Variants in POU2F1 observed in about 807,000 individuals in gnomAD.
POU2F1 encodes POU class 2 homeobox 1.
A neutral mutation model predicts 84.9 loss-of-function variants in POU2F1; 16 were observed. The observed-to-expected ratio is 0.19, with a 90% CI of 0.13 to 0.29. The LOEUF is 0.29. POU2F1 is among the 10% of genes least tolerant of loss of function. The probability of loss-of-function intolerance (pLI) is 1.00; values close to 1 mark genes in which losing one functional copy is unlikely to be tolerated. For missense variants in POU2F1, 738 were observed against 942.6 expected (o/e 0.78, Z 2.84); for synonymous variants, 368 against 368.3 (o/e 1.00, Z 0.01).
chr1:167,252,973 A>C (rs1366245511), intron 1 of POU2F1, among the ~76,000 whole-genome samples: 2 of 152,234 alleles, frequency 1.3e-5, no homozygotes, highest in South Asian at 4.1e-4. Context: ...TGATGTGTAC[A>C]TCTAATTCAG....
chr1:167,367,009 A>G (rs1200673230), intron 3 of POU2F1, among the ~76,000 whole-genome samples: 1 of 151,968 alleles, frequency 6.6e-6, no homozygotes, highest in Non-Finnish European at 1.5e-5. Context: ...GATGATTGCA[A>G]CTCTCCCTGT....
intron 2 of POU2F1, among the ~76,000 whole-genome samples, chr1:167,348,277 T>C (rs1658330312): frequency 6.6e-6 from 1 of 152,124 alleles, no homozygotes; most frequent in African/African-American, 2.4e-5. Flanking sequence ...ACAGTAAAAA[T>C]AGGGTATTAT....
chr1:167,377,939 C>G (rs936702066), intron 7 of POU2F1, among the ~76,000 whole-genome samples: 9 of 152,056 alleles, frequency 5.9e-5, no homozygotes, highest in Middle Eastern at 3.4e-3. Flanking sequence ...TTTTTTTAAT[C>G]CAGTCTAGTG....
rs569924940 is a variant in POU2F1, at chr1:167,375,913, C to T, written c.592-116C>T. On this transcript the variant is annotated intron_variant, in intron 6 of 15. Transcript: ENST00000367866. ...ACCCTGTTTGGAATATGAAAGCATG[C>T]GAAGTATTTACTCTTCTTTATTTGG... 6.1e-4 allele frequency: 768 copies of T among 1,265,908 alleles called. 5 individuals carry two copies. The highest frequency in any genetic ancestry group is 2.8e-3 in the South Asian group (202 of 72,306). 78.4% of individuals were successfully genotyped at this position (1,265,908 alleles called of 1,614,324 possible).
chr1:167,343,548 A>G (rs568491060), intron 2 of POU2F1, among the ~76,000 whole-genome samples: 1 of 151,870 alleles, frequency 6.6e-6, no homozygotes, highest in Non-Finnish European at 1.5e-5. Flanking sequence ...GCTTGAAGCC[A>G]AAAACTAGAC....
At chr1:167,317,455 G>T (rs912114034) in intron 1 of POU2F1, among the ~76,000 whole-genome samples, 6 of 152,204 alleles carry the variant, frequency 3.9e-5, no homozygotes, top group Admixed American at 1.3e-4. Context: ...TGCAGAGTGG[G>T]AATCAGGGGG....
intron 1 of POU2F1, among the ~76,000 whole-genome samples, chr1:167,256,242 G>A (rs1651125233): frequency 6.6e-6 from 1 of 152,164 alleles, no homozygotes; most frequent in African/African-American, 2.4e-5. Flanking sequence ...AGCTGAGTGT[G>A]TTGGGGGTAG....
chr1:167,387,653 C>CT (rs1352013502), intron 8 of POU2F1, among the ~76,000 whole-genome samples: 1 of 152,188 alleles, frequency 6.6e-6, no homozygotes, highest in Non-Finnish European at 1.5e-5. Flanking sequence ...CAGCCACAGA[C>CT]TTTATCTGTA....
intron 14 of POU2F1, 77 bp from the exon 15 acceptor site, chr1:167,412,949 A>G (rs1650061865): frequency 8.2e-7 from 1 of 1,225,528 alleles, no homozygotes; most frequent in Non-Finnish European, 1.2e-6. Context: ...TTCGTTTTGT[A>G]AGTTCCTTTT....
intron 1 of POU2F1, among the ~76,000 whole-genome samples, chr1:167,263,504 C>T (rs1368824933): frequency 5.3e-5 from 8 of 150,528 alleles, no homozygotes; most frequent in South Asian, 2.1e-4. Flanking sequence ...GCAACAAGAG[C>T]GAAACTCCGA....
At chr1:167,370,559 T>G (rs1659943248) in intron 4 of POU2F1, among the ~76,000 whole-genome samples, 1 of 152,176 alleles carries the variant, frequency 6.6e-6, no homozygotes, top group Non-Finnish European at 1.5e-5. Context: ...GACTTGTTAT[T>G]TATCATTTTT....
intron 1 of POU2F1, among the ~76,000 whole-genome samples, chr1:167,233,784 A>C (rs375518539): frequency 2.0e-5 from 3 of 152,206 alleles, no homozygotes; most frequent in Non-Finnish European, 4.4e-5. Context: ...TTATGAGGCT[A>C]TTTGCATGAT....
At chr1:167,382,188 G>C (rs991801062) in intron 7 of POU2F1, among the ~76,000 whole-genome samples, 7 of 152,176 alleles carry the variant, frequency 4.6e-5, no homozygotes, top group Non-Finnish European at 1.0e-4. Context: ...AAATGGTTTA[G>C]ATACCAATAA....
intron 1 of POU2F1, among the ~76,000 whole-genome samples, chr1:167,306,433 A>C (rs1655068970): frequency 6.6e-6 from 1 of 152,176 alleles, no homozygotes; most frequent in African/African-American, 2.4e-5. Context: ...AATGTTTGAC[A>C]GTTGTATTTA....
At chr1:167,283,478 T>C (rs2102508574) in intron 1 of POU2F1, among the ~76,000 whole-genome samples, 1 of 152,320 alleles carries the variant, frequency 6.6e-6, no homozygotes, top group Non-Finnish European at 1.5e-5. Context: ...TTTGCTGGAA[T>C]GAATGGATGG....
intron 1 of POU2F1, among the ~76,000 whole-genome samples, chr1:167,231,150 T>C (rs1180897294): frequency 1.3e-5 from 2 of 152,198 alleles, no homozygotes; most frequent in Non-Finnish European, 2.9e-5. Flanking sequence ...AGCTTTCTGA[T>C]CCTGAATAAA....
At chr1:167,329,824 G>A (rs978947551) in intron 1 of POU2F1, among the ~76,000 whole-genome samples, 1 of 152,130 alleles carries the variant, frequency 6.6e-6, no homozygotes, top group South Asian at 2.1e-4. Context: ...TCTGTTGATC[G>A]ATTTCCAGAT....
intron 2 of POU2F1, among the ~76,000 whole-genome samples, chr1:167,356,542 A>G (rs1000246944): frequency 5.9e-5 from 9 of 152,198 alleles, no homozygotes; most frequent in African/African-American, 1.9e-4. Flanking sequence ...CACAGCATCA[A>G]ATGTGTTACC....
intron 2 of POU2F1, among the ~76,000 whole-genome samples, chr1:167,350,154 T>G (rs190810959): frequency 1.3e-5 from 2 of 152,318 alleles, no homozygotes; most frequent in African/African-American, 4.8e-5. Context: ...ATACTAAGTA[T>G]TATTGGGAGG....
Sources: allele counts gnomAD v4.1 joint callset (sites outside exome capture counted in the v4.1 genomes callset), GRCh38; gene constraint gnomAD v4.1.1; transcripts MANE v1.5; gene names NCBI Gene and HGNC (gene_info 2026-07-23, HGNC 2026-07-21).